Variants in TXNL4A observed in about 807,000 individuals in gnomAD.
The protein encoded by TXNL4A is thioredoxin like 4A.
A neutral mutation model predicts 14.6 loss-of-function variants in TXNL4A; 17 were observed. The observed-to-expected ratio is 1.16, with a 90% CI of 0.80 to 1.74. The LOEUF (loss-of-function observed/expected upper bound fraction) is 1.74, where lower values mean the gene tolerates loss of function less well. Ranked by LOEUF, TXNL4A falls within the 40% of genes most tolerant of loss-of-function variation. TXNL4A has a pLI of 0.00. For synonymous variants in TXNL4A, 83 were observed against 70.6 expected (o/e 1.18, Z -0.88); for missense variants, 74 against 195.2 (o/e 0.38, Z 3.70).
At chr18:80,018,834 A>C (rs991930242) in intron 1 of TXNL4A, among the ~76,000 whole-genome samples, 1 of 152,196 alleles carries the variant, frequency 6.6e-6, no homozygotes, top group Admixed American at 6.5e-5. Flanking sequence ...ACCCTAAATC[A>C]TCTCTCTCGA....
intron 1 of TXNL4A, among the ~76,000 whole-genome samples, chr18:80,015,216 T>C (rs1363249970): frequency 6.6e-6 from 1 of 152,160 alleles, no homozygotes; most frequent in Non-Finnish European, 1.5e-5. Flanking sequence ...CCTTGTTACT[T>C]ATGCAGATTT....
chr18:79,975,234 G>A (rs574951771), intron 2 of TXNL4A, among the ~76,000 whole-genome samples: 8 of 152,292 alleles, frequency 5.3e-5, no homozygotes, highest in East Asian at 1.9e-4. Flanking sequence ...ATCAGACAAC[G>A]TCCTATGAGA....
chr18:79,998,111 G>A (rs2051674595), intron 1 of TXNL4A, among the ~76,000 whole-genome samples: 1 of 152,018 alleles, frequency 6.6e-6, no homozygotes, highest in Non-Finnish European at 1.5e-5. Context: ...GGCTAACACG[G>A]TGAAACCCCC....
chr18:79,999,753 C>T (rs2051687218), intron 1 of TXNL4A, among the ~76,000 whole-genome samples: 1 of 152,110 alleles, frequency 6.6e-6, no homozygotes, highest in African/African-American at 2.4e-5. Flanking sequence ...TGTGTCCCCA[C>T]CCAAATCTTA....
chr18:80,028,500 T>C (rs2051899840), intron 1 of TXNL4A, among the ~76,000 whole-genome samples: 1 of 152,188 alleles, frequency 6.6e-6, no homozygotes, highest in Non-Finnish European at 1.5e-5. Context: ...TTCTGATGAC[T>C]GACTGACTTC....
chr18:80,028,371 G>A (rs1406073417), intron 1 of TXNL4A, among the ~76,000 whole-genome samples: 2 of 149,234 alleles, frequency 1.3e-5, no homozygotes, highest in African/African-American at 2.5e-5. Context: ...TCTGTCAACC[G>A]GTCAGCCTCT....
intron 1 of TXNL4A, among the ~76,000 whole-genome samples, chr18:79,981,149 A>C (rs185670546): frequency 7.9e-5 from 12 of 152,370 alleles, no homozygotes; most frequent in African/African-American, 2.9e-4. Flanking sequence ...TCTCCCTTCA[A>C]TGCCTTGCTC....
intron 1 of TXNL4A, among the ~76,000 whole-genome samples, chr18:80,002,178 C>G (rs2051702432): frequency 6.6e-6 from 1 of 152,150 alleles, no homozygotes; most frequent in Non-Finnish European, 1.5e-5. Context: ...TCTCTCTTGC[C>G]TGCTACCATG....
At chr18:80,006,041 C>T (rs2051727976) in intron 1 of TXNL4A, among the ~76,000 whole-genome samples, 1 of 152,152 alleles carries the variant, frequency 6.6e-6, no homozygotes, top group African/African-American at 2.4e-5. Flanking sequence ...AGGAGGACCA[C>T]TTGACCTTGG....
rs150790449 is a variant in TXNL4A, at chr18:80,022,011, G to C, written c.-61+11840C>G. 1.5e-4 allele frequency among the ~76,000 whole-genome samples: 22 copies of C among 151,010 alleles called. No homozygotes were observed. In the East Asian group the frequency reaches 4.3e-3, roughly 29 times the overall value. ...AGAATACCTTTTTTTTTTGCAATAGGGTTTGGCTTAGAAGTAGCATAGCAT... is the reference window on the plus strand; with the variant it reads ...AGAATACCTTTTTTTTTTGCAATAGCGTTTGGCTTAGAAGTAGCATAGCAT... On this transcript the variant is annotated intron_variant, in intron 1 of 2. Coordinates refer to the TXNL4A transcript ENST00000585474.
intron 1 of TXNL4A, among the ~76,000 whole-genome samples, chr18:80,008,188 A>T (rs115389310): frequency 6.6e-6 from 1 of 152,312 alleles, no homozygotes; most frequent in African/African-American, 2.4e-5. Flanking sequence ...CTCCAGCTTC[A>T]GTGTGACTTT....
At position 80,032,591 on chromosome 18, in the gene TXNL4A, G is replaced by A. The variant is rs147889417; in HGVS notation, c.-61+1260C>T. On this transcript the variant is annotated intron_variant, in intron 1 of 2. Coordinates refer to the TXNL4A transcript ENST00000585474. ...GCGGTGGCTCACGCCTGTAATCCCA[G>A]CACTTTGGAAGGCCGAGTTGGGCGG... Among the ~76,000 whole-genome samples, 394 of 152,336 alleles carry A rather than the reference G, an allele frequency of 2.6e-3. 11 individuals are homozygous for A. In the East Asian group the frequency reaches 0.04, roughly 15 times the overall value.
At chr18:80,025,293 C>T (rs1254294108) in intron 1 of TXNL4A, among the ~76,000 whole-genome samples, 5 of 152,216 alleles carry the variant, frequency 3.3e-5, no homozygotes, top group Admixed American at 6.5e-5. Context: ...TAATCTTTTA[C>T]GTCTCTTAAA....
chr18:79,988,547 C>T lies in TXNL4A; in HGVS notation c.-155G>A. The T allele has an allele frequency of 2.5e-6, 2 of 788,122 alleles. No individual in the cohort carries two copies. The highest frequency in any genetic ancestry group is 1.7e-6 in the Non-Finnish European group (1 of 582,454). 48.8% of individuals were successfully genotyped at this position (788,122 alleles called of 1,614,324 possible). On this transcript the variant is annotated 5_prime_UTR_variant, in exon 1 of 3. Transcript: ENST00000269601. Reference sequence around the variant, plus strand: ...CACACGCAAACTCCGCTGGGACTGCCACCCGGCAGAACGTCTGGGCGCGCA... The same window carrying T: ...CACACGCAAACTCCGCTGGGACTGCTACCCGGCAGAACGTCTGGGCGCGCA...
At chr18:79,988,202 A>C (rs764068971) in intron 1 of TXNL4A, 38 bp downstream of exon 1, 1 of 1,476,100 alleles carries the variant, frequency 6.8e-7, no homozygotes, top group Non-Finnish European at 9.2e-7. Flanking sequence ...GCAGATGCGG[A>C]AGCACAGCCC....
At chr18:80,029,266 G>C (rs922564758) in intron 1 of TXNL4A, among the ~76,000 whole-genome samples, 2 of 152,158 alleles carry the variant, frequency 1.3e-5, no homozygotes, top group Admixed American at 6.5e-5. Flanking sequence ...ATCCTTCACA[G>C]TGGCACAAAA....
intron 1 of TXNL4A, among the ~76,000 whole-genome samples, chr18:79,980,723 G>A (rs1184013773): frequency 5.9e-5 from 9 of 152,092 alleles, no homozygotes; most frequent in African/African-American, 1.4e-4. Context: ...CGTGCGCCTC[G>A]CCATCCATGT....
intron 1 of TXNL4A, among the ~76,000 whole-genome samples, chr18:80,009,835 C>A (rs374655551): frequency 6.6e-6 from 1 of 152,270 alleles, no homozygotes; most frequent in Non-Finnish European, 1.5e-5. Context: ...GGGCTGCGTG[C>A]GCAGTGTTTA....
At chr18:79,976,475 G>A (rs1401100850) in intron 2 of TXNL4A, among the ~76,000 whole-genome samples, 1 of 152,068 alleles carries the variant, frequency 6.6e-6, no homozygotes. Flanking sequence ...CCACCACCAC[G>A]AAGAGCCAGA....
Sources: allele counts gnomAD v4.1 joint callset (sites outside exome capture counted in the v4.1 genomes callset), GRCh38; gene constraint gnomAD v4.1.1; transcripts MANE v1.5; gene names NCBI Gene and HGNC (gene_info 2026-07-23, HGNC 2026-07-21).